SGCD: variants seen among roughly 807,000 people sequenced by gnomAD.
SGCD encodes sarcoglycan delta.
In SGCD, 18 loss-of-function variants were observed where a neutral mutation model predicts 36.6. The observed-to-expected ratio is 0.49, with a 90% confidence interval of 0.34 to 0.73. SGCD has a LOEUF of 0.73. Ranked by LOEUF, SGCD falls within the 30% of genes least tolerant of loss-of-function variation. The pLI, the probability that SGCD is intolerant of heterozygous loss-of-function variation, is 0.01. For missense variants in SGCD, 387 were observed against 346.7 expected, an observed-to-expected ratio of 1.12 and a Z score of -0.92; for synonymous variants, 133 against 130.6, an observed-to-expected ratio of 1.02 and a Z score of -0.12.
chr5:156,093,847 G>A (rs1761308579), intron 1 of SGCD, among the ~76,000 whole-genome samples: 1 of 152,182 alleles, frequency 6.6e-6, no homozygotes, highest in Non-Finnish European at 1.5e-5. Flanking sequence ...GTCATTTTCT[G>A]AGGATCCTCT....
intron 1 of SGCD, among the ~76,000 whole-genome samples, chr5:155,915,722 G>A (rs430625): frequency 0.87 from 131,955 of 152,234 alleles, 57,189 homozygotes; most frequent in Admixed American, 0.91. Context: ...ACTCATTACC[G>A]AAGAAGTTCA....
intron 6 of SGCD, among the ~76,000 whole-genome samples, chr5:156,619,111 C>T (rs1167895675): frequency 2.0e-5 from 3 of 151,758 alleles, no homozygotes; most frequent in African/African-American, 7.3e-5. Context: ...CTGCAAGCTC[C>T]GCCTCCCAGC....
At chr5:155,736,538 C>A in the SGCD span, among the ~76,000 whole-genome samples, 1 of 152,094 alleles carries the variant, frequency 6.6e-6, no homozygotes, top group Non-Finnish European at 1.5e-5. Context: ...ATTCTTTAGG[C>A]CTTCAAATAA....
In SGCD at chr5:156,759,430, C is replaced by CT. The variant is rs760803842; in HGVS notation, c.*46dup. ...TGGACATTGTTGGCAGCATAAAGGC[C>CT]TTTTTTGGCTTTAGACACTGGCTGC... is the stretch of plus-strand genomic sequence containing the variant. On this transcript the variant is annotated 3_prime_UTR_variant, in exon 9 of 9. Transcript: ENST00000337851. 2.7e-6 allele frequency: 4 copies of CT among 1,472,524 alleles called. No individual in the cohort carries two copies. Among genetic ancestry groups the CT allele is most frequent in the Non-Finnish European group, 9.2e-7 (1 of 1,086,190 alleles). The allele number at this position is 1,472,524 out of a possible 1,614,324, so 91.2% of individuals were successfully genotyped here. A position where few individuals can be genotyped will look rare whatever the true frequency, so the allele number is the denominator to read the frequency against.
At chr5:155,939,152 T>C (rs997486181) in intron 1 of SGCD, among the ~76,000 whole-genome samples, 4 of 152,298 alleles carry the variant, frequency 2.6e-5, no homozygotes, top group African/African-American at 9.6e-5. Context: ...ATGGCAACTA[T>C]AATAAATAAC....
At chr5:155,751,173 G>A in the SGCD span, among the ~76,000 whole-genome samples, 1 of 152,206 alleles carries the variant, frequency 6.6e-6, no homozygotes, top group Non-Finnish European at 1.5e-5. Context: ...TTATTTTCAA[G>A]TATGATGATA....
At chr5:156,470,213 A>G (rs1431450649) in intron 3 of SGCD, among the ~76,000 whole-genome samples, 3 of 152,214 alleles carry the variant, frequency 2.0e-5, no homozygotes, top group East Asian at 1.9e-4. Context: ...AAATACTTGT[A>G]TATTCACCGT....
intron 3 of SGCD, among the ~76,000 whole-genome samples, chr5:156,186,921 T>G (rs1400337786): frequency 6.6e-6 from 1 of 152,168 alleles, no homozygotes; most frequent in Non-Finnish European, 1.5e-5. Context: ...TACTCATGAG[T>G]AATATTTGTT....
intron 1 of SGCD, among the ~76,000 whole-genome samples, chr5:155,926,946 T>C (rs1757007305): frequency 6.6e-6 from 1 of 152,144 alleles, no homozygotes. Flanking sequence ...ACACTTTTGG[T>C]TTCTACAGTC....
intron 3 of SGCD, among the ~76,000 whole-genome samples, chr5:156,447,789 A>G (rs1036108122): frequency 6.6e-6 from 1 of 152,178 alleles, no homozygotes; most frequent in Non-Finnish European, 1.5e-5. Context: ...CGCATCCTGC[A>G]CATGTATCCC....
At chr5:156,184,458 A>C (rs998637569) in intron 3 of SGCD, among the ~76,000 whole-genome samples, 1 of 151,476 alleles carries the variant, frequency 6.6e-6, no homozygotes, top group East Asian at 2.0e-4. Context: ...ATATTTTAAA[A>C]AATAATTTAA....
chr5:156,091,366 A>G (rs1468879229), intron 1 of SGCD, among the ~76,000 whole-genome samples: 1 of 152,170 alleles, frequency 6.6e-6, no homozygotes, highest in Non-Finnish European at 1.5e-5. Flanking sequence ...GCATATTTGC[A>G]GTCAGTGTAA....
intron 3 of SGCD, among the ~76,000 whole-genome samples, chr5:156,209,775 A>G (rs1764387798): frequency 1.3e-5 from 2 of 152,174 alleles, no homozygotes; most frequent in Admixed American, 6.5e-5. Flanking sequence ...GTCTCAGCCC[A>G]TCATTGAAGA....
At chr5:156,502,038 C>CT (rs34669004) in intron 3 of SGCD, among the ~76,000 whole-genome samples, 6,149 of 141,008 alleles carry the variant, frequency 0.044, 148 homozygotes, top group African/African-American at 0.071. Context: ...GATATTCTCT[C>CT]TTTTTTTTTT....
intron 3 of SGCD, among the ~76,000 whole-genome samples, chr5:156,442,984 G>A (rs928955518): frequency 5.3e-5 from 8 of 152,000 alleles, no homozygotes; most frequent in African/African-American, 1.7e-4. Flanking sequence ...AATGCATGTA[G>A]CCTTTTCTAC....
At chr5:156,640,433 T>TAAATAAA (rs778348349) in intron 6 of SGCD, among the ~76,000 whole-genome samples, 12,400 of 152,126 alleles carry the variant, frequency 0.082, 661 homozygotes, top group Non-Finnish European at 0.12. Context: ...ACAATATCTG[T>TAAATAAA]TATTTTTAAA....
chr5:156,413,963 G>A (rs1175943522), intron 3 of SGCD, among the ~76,000 whole-genome samples: 2 of 152,114 alleles, frequency 1.3e-5, no homozygotes, highest in Non-Finnish European at 2.9e-5. Context: ...CCTTGAAATG[G>A]TGGTACAGAA....
chr5:156,309,676 C>T (rs368103866), intron 3 of SGCD, among the ~76,000 whole-genome samples: 59 of 149,474 alleles, frequency 3.9e-4, no homozygotes, highest in Middle Eastern at 3.5e-3. Flanking sequence ...TCTTGGCTCA[C>T]GGGGTTTCAC....
At chr5:156,324,771 CA>C (rs1767762920), upstream of SGCD, among the ~76,000 whole-genome samples, 1 of 151,558 alleles carries the variant, frequency 6.6e-6, no homozygotes, top group South Asian at 2.1e-4. Context: ...TGAAAAGAAG[CA>C]GGGCATAAAA....
Sources: gnomAD v4.1 joint callset for allele counts (sites outside exome capture counted in the v4.1 genomes callset) on GRCh38, gnomAD v4.1.1 for gene constraint, MANE v1.5 for transcripts, NCBI Gene and HGNC (gene_info 2026-07-23, HGNC 2026-07-21) for gene names.